Variants in PREX1 observed in about 807,000 individuals in gnomAD.
PREX1 encodes phosphatidylinositol 3,4,5-trisphosphate-dependent Rac exchanger 1 protein.
Under a neutral mutation model 198.3 loss-of-function variants are expected in PREX1, and 41 were observed. That is an observed-to-expected ratio of 0.21 (90% CI 0.16 to 0.27). PREX1 has a LOEUF of 0.27. Ranked by LOEUF, PREX1 falls within the 10% of genes least tolerant of loss-of-function variation. The pLI is 1.00. For missense variants in PREX1, 1,620 were observed against 2,200.7 expected (o/e 0.74, Z 5.28); for synonymous variants, 843 against 887.2 (o/e 0.95, Z 0.89).
intron 7 of PREX1, among the ~76,000 whole-genome samples, chr20:48,699,458 T>G (rs1178045411): frequency 1.3e-5 from 2 of 152,182 alleles, no homozygotes; most frequent in South Asian, 2.1e-4. Context: ...CACCCACCCA[T>G]GCATCCAACC....
chr20:48,627,756 C>T, intron 38 of PREX1, 105 bp downstream of exon 38: 3 of 1,394,738 alleles, frequency 2.2e-6, no homozygotes, highest in Non-Finnish European at 3.0e-6. Flanking sequence ...AGAGAAGGCT[C>T]AGGTCTGGGG....
At chr20:48,650,820 C>T in intron 23 of PREX1, 74 bp downstream of exon 23, 7 of 1,551,028 alleles carry the variant, frequency 4.5e-6, no homozygotes, top group Non-Finnish European at 6.1e-6. Context: ...TTGTAATTTA[C>T]AACCCAAATA....
intron 1 of PREX1, among the ~76,000 whole-genome samples, chr20:48,804,877 G>A (rs2090404710): frequency 6.6e-6 from 1 of 152,230 alleles, no homozygotes; most frequent in South Asian, 2.1e-4. Flanking sequence ...ACTGGAAGGA[G>A]GGGGCCGCAA....
chr20:48,722,720 G>A (rs1051233408), intron 5 of PREX1, among the ~76,000 whole-genome samples: 11 of 152,316 alleles, frequency 7.2e-5, no homozygotes, highest in Admixed American at 3.3e-4. Context: ...AGAGAGCTGG[G>A]GGCAAAGGTG....
the PREX1 span, among the ~76,000 whole-genome samples, chr20:48,856,998 C>G: frequency 2.0e-5 from 3 of 152,182 alleles, no homozygotes; most frequent in African/African-American, 7.2e-5. Context: ...TGCCACCATG[C>G]CCGGCTAATT....
At chr20:48,663,554 G>A (rs937839270) in intron 15 of PREX1, among the ~76,000 whole-genome samples, 5 of 152,228 alleles carry the variant, frequency 3.3e-5, no homozygotes, top group African/African-American at 1.2e-4. Flanking sequence ...CTCACCACCT[G>A]CTTTTCTAAA....
intron 7 of PREX1, among the ~76,000 whole-genome samples, chr20:48,699,462 T>C (rs1260657532): frequency 6.6e-6 from 1 of 152,070 alleles, no homozygotes. Flanking sequence ...CACCCATGCA[T>C]CCAACCATCA....
In PREX1 at chr20:48,681,235, C is replaced by A; in HGVS notation, c.1435G>T (p.Val479Phe). Reference protein sequence around the residue: ...ALLENGIIHHVSDKHQFKNEQ... With the variant: ...ALLENGIIHHFSDKHQFKNEQ... ...CAGCTGGGCCCAGCCCTCCACTCAC[C>A]ATGGTGGATGATGCCATTCTCCAAC... is the stretch of plus-strand genomic sequence containing the variant. The change falls in exon 11 of 40, where the codon GTT (valine) becomes TTT (phenylalanine). Residue 479 changes from valine to phenylalanine, a missense_variant and splice_region_variant. Val to Phe is a conservative substitution (Grantham distance 50). Transcript: ENST00000371941. The A allele has an allele frequency of 1.2e-6, 2 of 1,613,870 alleles. No individual in the cohort carries two copies. Among genetic ancestry groups the A allele is most frequent in the Non-Finnish European group, 1.7e-6 (2 of 1,179,888 alleles).
At chr20:48,636,369 A>G in intron 32 of PREX1, 94 bp downstream of exon 32, 1 of 1,277,612 alleles carries the variant, frequency 7.8e-7, no homozygotes, top group Non-Finnish European at 1.1e-6. Context: ...GGCCAGGGGG[A>G]GCCTGAGTAA....
the PREX1 span, among the ~76,000 whole-genome samples, chr20:48,867,689 AGAGGCTGAGGCAGGAGAATC>A: frequency 2.8e-5 from 2 of 71,220 alleles, no homozygotes; most frequent in South Asian, 3.8e-4. Context: ...GAATCGCTTG[AGAGGCTGAGGCAGGAGAATC>A]ACTTGAACCG....
chr20:48,636,221 G>C (rs6019329), intron 32 of PREX1, among the ~76,000 whole-genome samples: 20,452 of 152,162 alleles, frequency 0.13, 1,441 homozygotes, highest in African/African-American at 0.19. Flanking sequence ...TCTGTTATCT[G>C]TGTGTGTGTG....
At position 48,690,940 on chromosome 20, in the gene PREX1, T is replaced by G. The variant is rs373537031; in HGVS notation, c.1186+7A>C. 8.1e-5 allele frequency: 130 copies of G among 1,613,584 alleles called. No individual in the cohort carries two copies. The highest frequency in any genetic ancestry group is 9.7e-5 in the Non-Finnish European group (115 of 1,180,036). On this transcript the variant is annotated splice_region_variant and intron_variant, in intron 9 of 39. Coordinates refer to ENST00000371941, the MANE Select transcript of PREX1 (RefSeq NM_020820.4). Reference sequence around the variant, plus strand: ...TCCCAGGCGAGCACCCCAAAGCTGCTGCTCACTCTCGCGCTGCTCCCGCTC... The same window carrying G: ...TCCCAGGCGAGCACCCCAAAGCTGCGGCTCACTCTCGCGCTGCTCCCGCTC...
chr20:48,807,881 AT>A (rs796965269), intron 1 of PREX1, among the ~76,000 whole-genome samples: 18 of 152,126 alleles, frequency 1.2e-4, no homozygotes, highest in African/African-American at 4.3e-4. Context: ...CTGGGCCCAA[AT>A]GAGGCTAGAG....
At chr20:48,759,339 C>T (rs576649864) in intron 1 of PREX1, among the ~76,000 whole-genome samples, 6 of 152,084 alleles carry the variant, frequency 3.9e-5, no homozygotes, top group African/African-American at 9.6e-5. Flanking sequence ...CACCTGAGGT[C>T]AGGAGTTCGC....
At chr20:48,835,370 G>A in the PREX1 span, among the ~76,000 whole-genome samples, 4 of 152,196 alleles carry the variant, frequency 2.6e-5, no homozygotes, top group East Asian at 1.9e-4. Context: ...TGTTGCTTAC[G>A]TTCTAGGGAC....
At chr20:48,874,553 C>T in the PREX1 span, among the ~76,000 whole-genome samples, 1 of 151,996 alleles carries the variant, frequency 6.6e-6, no homozygotes, top group African/African-American at 2.4e-5. Context: ...CCAAAGAAAC[C>T]AGGAGCCTCT....
intron 27 of PREX1, 75 bp from the exon 28 acceptor site, chr20:48,642,564 G>A (rs187097547): frequency 2.3e-6 from 3 of 1,308,604 alleles, no homozygotes; most frequent in East Asian, 4.7e-5. Flanking sequence ...TTTCCTAAGA[G>A]GGGGATACAG....
chr20:48,800,570 T>C (rs2090381975), intron 1 of PREX1, among the ~76,000 whole-genome samples: 1 of 152,136 alleles, frequency 6.6e-6, no homozygotes, highest in Admixed American at 6.5e-5. Flanking sequence ...TTGTTCCCTC[T>C]CTTTCCCTCC....
intron 14 of PREX1, among the ~76,000 whole-genome samples, chr20:48,667,049 G>A (rs765340098): frequency 2.0e-5 from 3 of 152,088 alleles, no homozygotes; most frequent in Non-Finnish European, 2.9e-5. Context: ...GGATGCTCTG[G>A]CAAAAACCCC....
Sources: allele counts gnomAD v4.1 joint callset (sites outside exome capture counted in the v4.1 genomes callset), GRCh38; gene constraint gnomAD v4.1.1; transcripts MANE v1.5; gene names NCBI Gene and HGNC (gene_info 2026-07-23, HGNC 2026-07-21).